The following ZBBX variants were observed in gnomAD, a reference collection of about 807,000 sequenced individuals.
ZBBX encodes zinc finger B-box domain-containing protein 1.
Under a neutral mutation model 108.5 loss-of-function variants are expected in ZBBX, and 101 were observed. That is an observed-to-expected ratio of 0.93 (90% CI 0.79 to 1.10). The LOEUF (loss-of-function observed/expected upper bound fraction) is 1.10, where lower values mean the gene tolerates loss of function less well. ZBBX is among the 50% of genes least tolerant of loss of function. ZBBX has a pLI of 0.00. For missense variants in ZBBX, 1,009 were observed against 941.4 expected (o/e 1.07, Z -0.94); for synonymous variants, 356 against 323.4 (o/e 1.10, Z -1.08).
At chr3:167,297,284 A>G (rs1731843783) in intron 18 of ZBBX, among the ~76,000 whole-genome samples, 1 of 151,942 alleles carries the variant, frequency 6.6e-6, no homozygotes, top group Non-Finnish European at 1.5e-5. Flanking sequence ...TAGACCATTC[A>G]ATGGGGGAAA....
chr3:167,267,145 G>A (rs188232936), intron 20 of ZBBX, among the ~76,000 whole-genome samples: 6 of 152,192 alleles, frequency 3.9e-5, no homozygotes, highest in East Asian at 1.9e-4. Context: ...TCCAATCTGC[G>A]GTTCCACGGT....
chr3:167,237,426 T>A (rs560247072), downstream of ZBBX, among the ~76,000 whole-genome samples: 576 of 152,022 alleles, frequency 3.8e-3, 1 homozygote, highest in Non-Finnish European at 6.7e-3. Context: ...TGGTCATTTA[T>A]CCAATAGTGG....
chr3:167,378,029 C>T (rs1237104344), intron 2 of ZBBX, among the ~76,000 whole-genome samples: 1 of 152,136 alleles, frequency 6.6e-6, no homozygotes, highest in Admixed American at 6.5e-5. Context: ...CTTCTCTTTC[C>T]TGCCACCATG....
At chr3:167,271,963 A>G (rs1229750521) in intron 20 of ZBBX, among the ~76,000 whole-genome samples, 1 of 152,338 alleles carries the variant, frequency 6.6e-6, no homozygotes, top group Admixed American at 6.5e-5. Flanking sequence ...AATGGAACCC[A>G]TTTCACAGCA....
intron 20 of ZBBX, among the ~76,000 whole-genome samples, chr3:167,250,617 A>G (rs936491127): frequency 2.0e-5 from 3 of 151,752 alleles, no homozygotes; most frequent in Non-Finnish European, 2.9e-5. Flanking sequence ...CCCCTTGTCT[A>G]GGAACCCTTA....
At chr3:167,190,665 C>T in the ZBBX span, among the ~76,000 whole-genome samples, 1 of 152,164 alleles carries the variant, frequency 6.6e-6, no homozygotes, top group Non-Finnish European at 1.5e-5. Flanking sequence ...CAGGCGTGAG[C>T]CACCGCGTCC....
chr3:167,222,276 G>A, the ZBBX span, among the ~76,000 whole-genome samples: 1 of 151,612 alleles, frequency 6.6e-6, no homozygotes, highest in Non-Finnish European at 1.5e-5. Context: ...TGGAACTGGA[G>A]GTCATCATGT....
chr3:167,270,722 C>T (rs1395296190), intron 20 of ZBBX, among the ~76,000 whole-genome samples: 1 of 152,158 alleles, frequency 6.6e-6, no homozygotes, highest in African/African-American at 2.4e-5. Flanking sequence ...GCACACCCCA[C>T]GAAGTTAGAG....
intron 18 of ZBBX, among the ~76,000 whole-genome samples, chr3:167,295,036 G>T (rs1268930023): frequency 6.6e-6 from 1 of 152,128 alleles, no homozygotes; most frequent in Non-Finnish European, 1.5e-5. Context: ...AAAAATTCAG[G>T]AAACAACAGA....
At chr3:167,239,305 C>T (rs528799009), downstream of ZBBX, among the ~76,000 whole-genome samples, 15 of 152,078 alleles carry the variant, frequency 9.9e-5, no homozygotes, top group Non-Finnish European at 1.9e-4. Flanking sequence ...TTAATCTAAC[C>T]TAAAAAAATA....
the ZBBX span, among the ~76,000 whole-genome samples, chr3:167,226,517 A>G: frequency 0.82 from 123,576 of 151,552 alleles, 50,816 homozygotes; most frequent in African/African-American, 0.93. Context: ...AGAATATTGT[A>G]GCAGAACTAG....
the ZBBX span, among the ~76,000 whole-genome samples, chr3:167,191,913 A>ATG: frequency 8.1e-6 from 1 of 124,178 alleles, no homozygotes; most frequent in Non-Finnish European, 1.7e-5. Flanking sequence ...ATATATATAT[A>ATG]TATATATATA....
intron 9 of ZBBX, among the ~76,000 whole-genome samples, chr3:167,344,661 A>G (rs561199782): frequency 4.0e-5 from 6 of 151,726 alleles, no homozygotes; most frequent in African/African-American, 1.2e-4. Context: ...CAGGAGTTCA[A>G]GCAGAAGTAC....
At chr3:167,401,803 C>T (rs1052158464) in intron 1 of ZBBX, among the ~76,000 whole-genome samples, 9 of 152,168 alleles carry the variant, frequency 5.9e-5, no homozygotes, top group African/African-American at 1.9e-4. Context: ...CCCCATGGGT[C>T]GCAGCCTCAT....
intron 20 of ZBBX, among the ~76,000 whole-genome samples, chr3:167,276,257 C>T (rs1171763096): frequency 6.6e-6 from 1 of 152,182 alleles, no homozygotes; most frequent in East Asian, 1.9e-4. Context: ...CTTTGACGAG[C>T]TGAGAGAAGA....
intron 18 of ZBBX, among the ~76,000 whole-genome samples, chr3:167,297,881 C>CA (rs1350609471): frequency 1.3e-5 from 2 of 151,698 alleles, no homozygotes; most frequent in Admixed American, 1.3e-4. Flanking sequence ...CCGACCCCAC[C>CA]AAAAAAATAA....
intron 1 of ZBBX, among the ~76,000 whole-genome samples, chr3:167,400,364 T>C (rs888202123): frequency 2.0e-5 from 3 of 152,076 alleles, no homozygotes; most frequent in Admixed American, 6.6e-5. Context: ...CTCACCAACA[T>C]CTGTAATTTT....
chr3:167,334,574 G>A (rs191255938), intron 9 of ZBBX, among the ~76,000 whole-genome samples: 5 of 151,640 alleles, frequency 3.3e-5, no homozygotes, highest in Non-Finnish European at 5.9e-5. Flanking sequence ...ACTCCATCTC[G>A]AAAAAAGAAA....
At chr3:167,266,071 G>GT (rs1403039990) in intron 20 of ZBBX, among the ~76,000 whole-genome samples, 1 of 152,194 alleles carries the variant, frequency 6.6e-6, no homozygotes, top group East Asian at 1.9e-4. Flanking sequence ...ACTCACCTGA[G>GT]TTTTGGTTCC....
Sources: gnomAD v4.1 joint callset for allele counts (sites outside exome capture counted in the v4.1 genomes callset) on GRCh38, gnomAD v4.1.1 for gene constraint, MANE v1.5 for transcripts, NCBI Gene and HGNC (gene_info 2026-07-23, HGNC 2026-07-21) for gene names.